DIAPH2: variants seen among roughly 807,000 people sequenced by gnomAD.
DIAPH2 encodes the protein diaphanous related formin 2, also known as protein diaphanous homolog 2.
A neutral mutation model predicts 92.7 loss-of-function variants in DIAPH2; 35 were observed. That is an observed-to-expected ratio of 0.38 (90% CI 0.29 to 0.50). The LOEUF (loss-of-function observed/expected upper bound fraction) is 0.50. DIAPH2 is among the 20% of genes least tolerant of loss of function. DIAPH2 has a pLI of 0.94. For synonymous variants in DIAPH2, 301 were observed against 280.4 expected (o/e 1.07, Z -0.73); for missense variants, 701 against 819.5 (o/e 0.86, Z 1.77).
intron 23 of DIAPH2, among the ~76,000 whole-genome samples, chrX:97,290,074 A>AATATAT (rs374540988): frequency 0.013 from 1,217 of 95,074 alleles, 15 homozygotes; most frequent in African/African-American, 0.037. Context: ...CAGTAATTTA[A>AATATAT]ATATATATAT....
chrX:96,916,812 A>T (rs1459739889), intron 8 of DIAPH2, among the ~76,000 whole-genome samples: 1 of 111,406 alleles, frequency 9.0e-6, no homozygotes, highest in African/African-American at 3.2e-5. Context: ...ATTCAAAGTG[A>T]TTGAGCAGAA....
At chrX:96,811,574 A>G (rs2064681461) in intron 4 of DIAPH2, among the ~76,000 whole-genome samples, 2 of 111,697 alleles carry the variant, frequency 1.8e-5, no homozygotes, top group Non-Finnish European at 3.8e-5. Flanking sequence ...AGGAGTGGTG[A>G]GAGAGGGCAT....
At chrX:97,232,650 G>A (rs1424074273) in intron 22 of DIAPH2, among the ~76,000 whole-genome samples, 7 of 110,711 alleles carry the variant, frequency 6.3e-5, no homozygotes, top group African/African-American at 1.7e-4. Flanking sequence ...GCCTTCTGCC[G>A]TCCACACCCT....
chrX:97,129,704 T>C (rs765023432), intron 21 of DIAPH2, among the ~76,000 whole-genome samples: 118 of 111,048 alleles, frequency 1.1e-3, no homozygotes, highest in African/African-American at 3.8e-3. Flanking sequence ...TGTTAAACCA[T>C]GCACAGAAAT....
intron 7 of DIAPH2, among the ~76,000 whole-genome samples, chrX:96,912,817 T>A (rs1027436852): frequency 9.0e-6 from 1 of 110,826 alleles, no homozygotes; most frequent in African/African-American, 3.3e-5. Context: ...TACTAATTAA[T>A]TGTAGACTAG....
chrX:97,276,508 T>C (rs1217364891), intron 23 of DIAPH2, among the ~76,000 whole-genome samples: 1 of 111,045 alleles, frequency 9.0e-6, no homozygotes, highest in Non-Finnish European at 1.9e-5. Context: ...TTCTAAGAGA[T>C]GGAATACCCC....
chrX:96,835,211 G>T (rs893333955), intron 4 of DIAPH2, among the ~76,000 whole-genome samples: 1 of 111,764 alleles, frequency 8.9e-6, no homozygotes, highest in Non-Finnish European at 1.9e-5. Flanking sequence ...CAAACACAGG[G>T]CATGTCCTCA....
At chrX:97,056,896 G>T (rs1602310638) in intron 17 of DIAPH2, among the ~76,000 whole-genome samples, 2 of 112,012 alleles carry the variant, frequency 1.8e-5, no homozygotes, top group Middle Eastern at 9.2e-3. Flanking sequence ...TTTGATCTAG[G>T]TTTGAATCCC....
At chrX:97,396,107 G>A (rs996332972) in intron 25 of DIAPH2, among the ~76,000 whole-genome samples, 21 of 112,053 alleles carry the variant, frequency 1.9e-4, no homozygotes, top group Non-Finnish European at 3.6e-4. Flanking sequence ...TTAAAAACAT[G>A]CTTTGTTCCA....
At chrX:96,755,149 G>A (rs908844624) in intron 3 of DIAPH2, among the ~76,000 whole-genome samples, 3 of 109,744 alleles carry the variant, frequency 2.7e-5, no homozygotes, top group Admixed American at 2.0e-4. Flanking sequence ...AGAAAAGTGG[G>A]GATAGGGACA....
rs748929800 is a variant in DIAPH2, at chrX:96,952,736, AAAAATAAAAT to A, written c.1614+3716_1614+3725del. 8.6e-3 allele frequency among the ~76,000 whole-genome samples: 953 copies of A among 110,591 alleles called. 7 individuals carry two copies. The highest frequency in any genetic ancestry group is 0.037 in the Middle Eastern group (8 of 214). Reference sequence around the variant, plus strand: ...GGCAACAAGAGCAAAACTCTGTCTCAAAAATAAAATAAAATAAAATAAAATAAATGAAAAA... The same window carrying A: ...GGCAACAAGAGCAAAACTCTGTCTCAAAAATAAAATAAAATAAATGAAAAA... On this transcript the variant is annotated intron_variant, in intron 15 of 26. Transcript: ENST00000324765.
intron 4 of DIAPH2, among the ~76,000 whole-genome samples, chrX:96,871,189 C>A (rs2065139081): frequency 9.0e-6 from 1 of 111,267 alleles, no homozygotes; most frequent in African/African-American, 3.3e-5. Flanking sequence ...TGGTAGTGGG[C>A]CGGGCGCAGT....
intron 26 of DIAPH2, among the ~76,000 whole-genome samples, chrX:97,490,932 G>A (rs1348091575): frequency 1.8e-5 from 2 of 109,624 alleles, no homozygotes; most frequent in Admixed American, 1.9e-4. Context: ...TGCTCTTAGT[G>A]TTGTTCAAGT....
intron 24 of DIAPH2, among the ~76,000 whole-genome samples, chrX:97,380,233 C>T (rs2069540106): frequency 9.0e-6 from 1 of 111,150 alleles, no homozygotes; most frequent in Non-Finnish European, 1.9e-5. Flanking sequence ...TTTCTGTAAA[C>T]ATATTTCTTA....
At chrX:97,528,052 T>TA (rs962676956) in intron 26 of DIAPH2, among the ~76,000 whole-genome samples, 3 of 111,712 alleles carry the variant, frequency 2.7e-5, no homozygotes, top group Admixed American at 9.5e-5. Context: ...ATATGAGGAT[T>TA]AAAAAAACAA....
At chrX:97,113,186 A>T (rs765065931) in intron 20 of DIAPH2, among the ~76,000 whole-genome samples, 2 of 111,570 alleles carry the variant, frequency 1.8e-5, no homozygotes, top group Non-Finnish European at 3.8e-5. Flanking sequence ...TGAAGCCTTC[A>T]TTAATCACTG....
chrX:97,008,811 T>C (rs2066203250), intron 17 of DIAPH2, among the ~76,000 whole-genome samples: 1 of 111,495 alleles, frequency 9.0e-6, no homozygotes, highest in African/African-American at 3.3e-5. Context: ...TACCTGGAGC[T>C]GGGGAAGGGG....
At chrX:96,832,625 C>T (rs1459932556) in intron 4 of DIAPH2, among the ~76,000 whole-genome samples, 1 of 110,806 alleles carries the variant, frequency 9.0e-6, no homozygotes, top group Non-Finnish European at 1.9e-5. Context: ...ATTTTTATAT[C>T]ATTTTGTATT....
chrX:96,762,541 T>C (rs1319322095), intron 4 of DIAPH2, among the ~76,000 whole-genome samples: 1 of 111,116 alleles, frequency 9.0e-6, no homozygotes, highest in Admixed American at 9.6e-5. Flanking sequence ...ATAAAAAATA[T>C]TTGTTTTCAA....
Sources: allele counts gnomAD v4.1 joint callset (sites outside exome capture counted in the v4.1 genomes callset), GRCh38; gene constraint gnomAD v4.1.1; transcripts MANE v1.5; gene names NCBI Gene and HGNC (gene_info 2026-07-23, HGNC 2026-07-21).